PCBP3: variants seen among roughly 807,000 people sequenced by gnomAD.
The protein encoded by PCBP3 is poly(rC)-binding protein 3.
A neutral mutation model predicts 52.7 loss-of-function variants in PCBP3; 25 were observed. The ratio of observed to expected loss-of-function variants is 0.47; its 90% CI spans 0.35 to 0.66. The LOEUF (loss-of-function observed/expected upper bound fraction) is 0.66, where lower values mean the gene tolerates loss of function less well. Ranked by LOEUF, PCBP3 falls within the 30% of genes least tolerant of loss-of-function variation. PCBP3 has a pLI of 0.01. For synonymous variants in PCBP3, 162 were observed against 183.0 expected, an observed-to-expected ratio of 0.89 and a Z score of 0.93; for missense variants, 391 against 490.3, an observed-to-expected ratio of 0.80 and a Z score of 1.91.
chr21:45,807,403 C>A (rs1362006991), intron 4 of PCBP3, among the ~76,000 whole-genome samples: 2 of 151,942 alleles, frequency 1.3e-5, no homozygotes, highest in Non-Finnish European at 2.9e-5. Context: ...AATAGACAAA[C>A]AGCCAAATCA....
At chr21:45,740,153 G>A (rs1031367375) in intron 3 of PCBP3, among the ~76,000 whole-genome samples, 4 of 152,092 alleles carry the variant, frequency 2.6e-5, no homozygotes, top group African/African-American at 9.7e-5. Flanking sequence ...CCCATCCTCC[G>A]ACCCAAGGGG....
intron 2 of PCBP3, among the ~76,000 whole-genome samples, chr21:45,689,022 T>C (rs2082313580): frequency 6.6e-6 from 1 of 152,136 alleles, no homozygotes; most frequent in Non-Finnish European, 1.5e-5. Context: ...AAAAATAATA[T>C]TCCTACACAA....
chr21:45,932,516 C>T (rs1484504115), intron 15 of PCBP3, among the ~76,000 whole-genome samples: 112 of 84,072 alleles, frequency 1.3e-3, no homozygotes, highest in East Asian at 5.8e-3. Context: ...CTGAGATGAA[C>T]GAACACGTCG....
In PCBP3 at chr21:45,818,881, G is replaced by A. The variant is rs573393823; in HGVS notation, c.-125-31080G>A. Reference sequence around the variant, plus strand: ...AGTGATGCGGAGGAACCTTGAATGCGTGTTACTTAGTGAAAGAGGCCAGCC... The same window carrying A: ...AGTGATGCGGAGGAACCTTGAATGCATGTTACTTAGTGAAAGAGGCCAGCC... On this transcript the variant is annotated intron_variant, in intron 4 of 17. Transcript: ENST00000681687. Among the ~76,000 whole-genome samples the A allele has an allele frequency of 5.3e-5, 8 of 152,350 alleles. No homozygotes were observed. In the South Asian group the frequency reaches 8.3e-4, roughly 16 times the overall value.
intron 4 of PCBP3, among the ~76,000 whole-genome samples, chr21:45,834,521 G>A (rs527286265): frequency 1.3e-5 from 2 of 152,254 alleles, no homozygotes; most frequent in East Asian, 1.9e-4. Flanking sequence ...CCCCGTGCCC[G>A]CCAAAGAGGT....
At chr21:45,833,975 A>G (rs1280936419) in intron 4 of PCBP3, among the ~76,000 whole-genome samples, 3 of 152,204 alleles carry the variant, frequency 2.0e-5, no homozygotes, top group African/African-American at 4.8e-5. Flanking sequence ...TGTGCTTGTC[A>G]CCACCTCTGA....
At position 45,755,170 on chromosome 21, in the gene PCBP3, G is replaced by A. The variant is rs558803542; in HGVS notation, c.-161-247G>A. On this transcript the variant is annotated intron_variant, in intron 3 of 17. Coordinates refer to ENST00000681687, the MANE Select transcript of PCBP3 (RefSeq NM_001384156.1). Reference sequence around the variant, plus strand: ...CGCTGATCTGTTTAACTGCAGCTCTGCCTTTCTCAGAATGTGGAATCATGC... The same window carrying A: ...CGCTGATCTGTTTAACTGCAGCTCTACCTTTCTCAGAATGTGGAATCATGC... Among the ~76,000 whole-genome samples, 3 of 152,234 alleles carry A rather than the reference G, an allele frequency of 2.0e-5. No individual in the cohort carries two copies. The South Asian group carries it at 6.2e-4, about 32-fold the overall frequency.
intron 4 of PCBP3, among the ~76,000 whole-genome samples, chr21:45,781,275 A>G (rs1478054024): frequency 1.3e-5 from 2 of 152,356 alleles, no homozygotes; most frequent in South Asian, 4.1e-4. Context: ...TGCAAATCAC[A>G]TATCTAATGT....
chr21:45,688,916 A>C (rs1427376194), intron 2 of PCBP3, among the ~76,000 whole-genome samples: 1 of 152,004 alleles, frequency 6.6e-6, no homozygotes, highest in Non-Finnish European at 1.5e-5. Flanking sequence ...TCATGACACA[A>C]AAATCTGAAA....
intron 5 of PCBP3, chr21:45,872,910 A>G (rs1004988959): frequency 1.3e-5 from 2 of 152,206 alleles, no homozygotes; most frequent in African/African-American, 4.8e-5. Flanking sequence ...TAGTCTTCAT[A>G]TATACTGCTG....
At chr21:45,875,189 G>A (rs2095210779) in intron 5 of PCBP3, among the ~76,000 whole-genome samples, 1 of 151,994 alleles carries the variant, frequency 6.6e-6, no homozygotes, top group African/African-American at 2.4e-5. Context: ...ACCGGGGCTG[G>A]GGGCCCTTCC....
chr21:45,773,006 T>C (rs924016580), intron 4 of PCBP3, among the ~76,000 whole-genome samples: 1 of 152,324 alleles, frequency 6.6e-6, no homozygotes, highest in Admixed American at 6.5e-5. Context: ...TTTGCAAATA[T>C]TTTCTCCCTA....
intron 15 of PCBP3, 122 bp downstream of exon 15, chr21:45,930,967 A>C (rs950754692): frequency 4.0e-5 from 55 of 1,389,426 alleles, no homozygotes; most frequent in Non-Finnish European, 5.3e-5. Flanking sequence ...GCTGTGGGCC[A>C]GCCTCAGGTG....
At chr21:45,645,830 T>G (rs181640832) in intron 1 of PCBP3, among the ~76,000 whole-genome samples, 2 of 152,332 alleles carry the variant, frequency 1.3e-5, no homozygotes, top group East Asian at 3.9e-4. Flanking sequence ...CAGATTTTAG[T>G]AGATGTAAGT....
chr21:45,759,972 T>G (rs761637312), intron 4 of PCBP3: 6 of 152,182 alleles, frequency 3.9e-5, no homozygotes, highest in Non-Finnish European at 5.9e-5. Context: ...CTGGATAATA[T>G]CTAACGTGCT....
At chr21:45,930,653 G>C in intron 14 of PCBP3, 133 bp from the exon 15 acceptor site, 1 of 569,626 alleles carries the variant, frequency 1.8e-6, no homozygotes. Flanking sequence ...CAGAGGCAGT[G>C]CCATGCCTGT....
At chr21:45,936,841 T>C (rs563200292) in intron 16 of PCBP3, among the ~76,000 whole-genome samples, 2 of 152,302 alleles carry the variant, frequency 1.3e-5, no homozygotes, top group South Asian at 4.1e-4. Flanking sequence ...GGATGCTGGT[T>C]TTCCCAGCTC....
At chr21:45,799,951 C>T (rs1485144081) in intron 4 of PCBP3, among the ~76,000 whole-genome samples, 7 of 152,180 alleles carry the variant, frequency 4.6e-5, no homozygotes, top group Admixed American at 3.9e-4. Flanking sequence ...AGGTTGGCAC[C>T]GGGCTCTCCA....
At chr21:45,793,408 G>A (rs1289023449) in intron 4 of PCBP3, among the ~76,000 whole-genome samples, 1 of 152,160 alleles carries the variant, frequency 6.6e-6, no homozygotes, top group African/African-American at 2.4e-5. Flanking sequence ...CTCCAGGACT[G>A]ACAGGCGGGG....
Sources: gnomAD v4.1 joint callset for allele counts (sites outside exome capture counted in the v4.1 genomes callset) on GRCh38, gnomAD v4.1.1 for gene constraint, MANE v1.5 for transcripts, NCBI Gene and HGNC (gene_info 2026-07-23, HGNC 2026-07-21) for gene names.